TPH2: variants seen among roughly 807,000 people sequenced by gnomAD.
TPH2 encodes the protein tryptophan 5-hydroxylase 2.
A neutral mutation model predicts 59.1 loss-of-function variants in TPH2; 27 were observed. The ratio of observed to expected loss-of-function variants is 0.46; its 90% CI spans 0.34 to 0.63. The LOEUF is 0.63. Ranked by LOEUF, TPH2 falls within the 30% of genes least tolerant of loss-of-function variation. The probability of loss-of-function intolerance (pLI) is 0.01; values close to 1 mark genes in which losing one functional copy is unlikely to be tolerated. For synonymous variants in TPH2, 220 were observed against 210.5 expected (o/e 1.05, Z -0.39); for missense variants, 523 against 588.3 (o/e 0.89, Z 1.15).
chr12:71,990,250 T>C (rs1019862677), intron 7 of TPH2, among the ~76,000 whole-genome samples: 5 of 152,218 alleles, frequency 3.3e-5, no homozygotes, highest in Non-Finnish European at 7.3e-5. Flanking sequence ...CATAATTAGA[T>C]ACTCAGGGGT....
intron 5 of TPH2, chr12:71,964,669 G>C (rs1871766360): frequency 1.0e-6 from 1 of 985,252 alleles, no homozygotes; most frequent in African/African-American, 1.7e-5. Flanking sequence ...GGCTAAAAAT[G>C]AGAGTCATCA....
At chr12:72,001,223 T>C (rs1872813364) in intron 8 of TPH2, among the ~76,000 whole-genome samples, 1 of 152,138 alleles carries the variant, frequency 6.6e-6, no homozygotes, top group Non-Finnish European at 1.5e-5. Flanking sequence ...ACCTTCACTT[T>C]CTGATTGAAA....
At position 71,966,743 on chromosome 12, in the gene TPH2, A is replaced by G. The variant is rs916109954; in HGVS notation, c.609-5776A>G. On this transcript the variant is annotated intron_variant, in intron 5 of 10. Coordinates refer to ENST00000333850, the MANE Select transcript of TPH2 (RefSeq NM_173353.4). ...TTCAAAGAACACAATTGGTGTTGTG[A>G]TTCAGACAGTCTTGCCATCTTGATG... 9.2e-5 allele frequency among the ~76,000 whole-genome samples: 14 copies of G among 152,172 alleles called. 1 individual carries two copies. Among genetic ancestry groups the G allele is most frequent in the Admixed American group, 9.2e-4 (14 of 15,266 alleles).
intron 8 of TPH2, among the ~76,000 whole-genome samples, chr12:72,007,886 G>C (rs1872997078): frequency 6.6e-6 from 1 of 152,094 alleles, no homozygotes; most frequent in Non-Finnish European, 1.5e-5. Flanking sequence ...TCTAGCAAAG[G>C]CACACTCTTA....
At chr12:71,940,700 C>T (rs1566108577) in intron 1 of TPH2, among the ~76,000 whole-genome samples, 1 of 152,130 alleles carries the variant, frequency 6.6e-6, no homozygotes, top group Non-Finnish European at 1.5e-5. Flanking sequence ...AATAAAGTTT[C>T]CAGCTTTTTA....
At chr12:71,954,924 CTT>C (rs1275635400) in intron 5 of TPH2, among the ~76,000 whole-genome samples, 1 of 151,970 alleles carries the variant, frequency 6.6e-6, no homozygotes, top group African/African-American at 2.4e-5. Context: ...TTATGCCACT[CTT>C]GTTTGCTTAA....
In TPH2 at chr12:72,014,877, C is replaced by T. The variant is rs1184134894; in HGVS notation, c.1069-7522C>T. ...ATGAACGATGTTGGGATAGATATTTCAGAGGCAGTGGGACCTCCATAGTTT... is the reference window on the plus strand; with the variant it reads ...ATGAACGATGTTGGGATAGATATTTTAGAGGCAGTGGGACCTCCATAGTTT... On this transcript the variant is annotated intron_variant, in intron 8 of 10. Coordinates refer to ENST00000333850, the MANE Select transcript of TPH2 (RefSeq NM_173353.4). Among the ~76,000 whole-genome samples the T allele has an allele frequency of 2.6e-5, 4 of 152,162 alleles. No homozygotes were observed. The East Asian group carries it at 7.7e-4, about 29-fold the overall frequency.
chr12:71,988,660 T>C (rs150041064), intron 7 of TPH2, among the ~76,000 whole-genome samples: 12 of 152,194 alleles, frequency 7.9e-5, no homozygotes, highest in African/African-American at 2.9e-4. Context: ...ACCTTCAACA[T>C]TGGGGTTTAC....
At chr12:71,996,219 G>A (rs1456864640) in intron 8 of TPH2, among the ~76,000 whole-genome samples, 3 of 152,210 alleles carry the variant, frequency 2.0e-5, no homozygotes, top group Non-Finnish European at 4.4e-5. Context: ...CTCTCCTTAA[G>A]CTACTTATGA....
At chr12:72,009,062 A>T (rs2468915) in intron 8 of TPH2, among the ~76,000 whole-genome samples, 1 of 152,158 alleles carries the variant, frequency 6.6e-6, no homozygotes, top group African/African-American at 2.4e-5. Flanking sequence ...CAAAAACAAA[A>T]ACAGAAACAA....
At chr12:72,020,297 C>CA (rs1417271251) in intron 8 of TPH2, among the ~76,000 whole-genome samples, 1 of 152,146 alleles carries the variant, frequency 6.6e-6, no homozygotes, top group Non-Finnish European at 1.5e-5. Context: ...CCTAAATGAA[C>CA]AGACACCTGC....
At chr12:71,998,113 G>T (rs1383492426) in intron 8 of TPH2, among the ~76,000 whole-genome samples, 1 of 152,154 alleles carries the variant, frequency 6.6e-6, no homozygotes, top group Non-Finnish European at 1.5e-5. Context: ...TGCTTTAAAT[G>T]CAGTGAAGAA....
chr12:71,996,859 T>C (rs773358460), intron 8 of TPH2, among the ~76,000 whole-genome samples: 2 of 152,248 alleles, frequency 1.3e-5, no homozygotes, highest in Non-Finnish European at 2.9e-5. Flanking sequence ...ATTAATTAAT[T>C]CCATCATTCA....
At chr12:71,970,564 C>T (rs1672103191) in intron 5 of TPH2, among the ~76,000 whole-genome samples, 1 of 152,224 alleles carries the variant, frequency 6.6e-6, no homozygotes, top group South Asian at 2.1e-4. Flanking sequence ...TGCTTTCCTA[C>T]CTTCTGATCA....
intron 9 of TPH2, among the ~76,000 whole-genome samples, chr12:72,024,579 C>G (rs1873518230): frequency 6.6e-6 from 1 of 152,310 alleles, no homozygotes; most frequent in Admixed American, 6.5e-5. Flanking sequence ...TTTCCCTGAA[C>G]AAAAGAGTCA....
At chr12:71,980,217 T>C (rs1872236318) in intron 7 of TPH2, among the ~76,000 whole-genome samples, 1 of 152,186 alleles carries the variant, frequency 6.6e-6, no homozygotes, top group Non-Finnish European at 1.5e-5. Context: ...TCTTTTGCCT[T>C]CCTGGGCTCC....
chr12:71,992,577 C>G (rs893291041), intron 7 of TPH2, among the ~76,000 whole-genome samples: 1 of 151,774 alleles, frequency 6.6e-6, no homozygotes, highest in Non-Finnish European at 1.5e-5. Flanking sequence ...GCACTGTAGC[C>G]CGAGCAACAA....
intron 6 of TPH2, among the ~76,000 whole-genome samples, chr12:71,977,105 G>T (rs1483284504): frequency 6.6e-6 from 1 of 152,172 alleles, no homozygotes; most frequent in Non-Finnish European, 1.5e-5. Flanking sequence ...AAGCTGGGGT[G>T]CAGTGGCGTA....
intron 7 of TPH2, among the ~76,000 whole-genome samples, chr12:71,983,701 TC>T (rs1259321674): frequency 2.0e-5 from 3 of 151,530 alleles, no homozygotes; most frequent in African/African-American, 7.3e-5. Flanking sequence ...CAACCCTGGG[TC>T]CTGTGGATCA....
Sources: allele counts gnomAD v4.1 joint callset (sites outside exome capture counted in the v4.1 genomes callset), GRCh38; gene constraint gnomAD v4.1.1; transcripts MANE v1.5; gene names NCBI Gene and HGNC (gene_info 2026-07-23, HGNC 2026-07-21).